The following PCDHGA2 variants were observed in gnomAD, a reference collection of about 807,000 sequenced individuals.
PCDHGA2 encodes protocadherin gamma-A2.
PCDHGA2 carries 40 observed loss-of-function variants against 59.2 expected under a neutral mutation model. That is an observed-to-expected ratio of 0.68 (90% CI 0.52 to 0.88). PCDHGA2 has a LOEUF of 0.88. Ranked by LOEUF, PCDHGA2 falls within the 40% of genes least tolerant of loss-of-function variation. PCDHGA2 has a pLI of 0.00. For synonymous variants in PCDHGA2, 560 were observed against 526.0 expected (o/e 1.06, Z -0.89); for missense variants, 1,226 against 1,204.0 (o/e 1.02, Z -0.27).
intron 1 of PCDHGA2, chr5:141,419,094 G>A (rs1241481126): frequency 2.5e-6 from 4 of 1,613,776 alleles, no homozygotes; most frequent in South Asian, 1.1e-5. Flanking sequence ...GCCCTGGATC[G>A]GGAGCAGACC....
At chr5:141,462,547 T>G (rs534942187) in intron 1 of PCDHGA2, among the ~76,000 whole-genome samples, 1 of 152,330 alleles carries the variant, frequency 6.6e-6, no homozygotes, top group African/African-American at 2.4e-5. Flanking sequence ...TCTTTTCTTC[T>G]TCAGTGTTTA....
At chr5:141,397,943 C>T in intron 1 of PCDHGA2, 1 of 892,874 alleles carries the variant, frequency 1.1e-6, no homozygotes, top group South Asian at 1.8e-5. Flanking sequence ...GCGCGCTTTC[C>T]AGGGCAGCCC....
chr5:141,460,027 G>A (rs1002703325), intron 1 of PCDHGA2, among the ~76,000 whole-genome samples: 3 of 152,088 alleles, frequency 2.0e-5, no homozygotes, highest in East Asian at 1.9e-4. Flanking sequence ...GCAGTGAGCC[G>A]AGACTGCACC....
chr5:141,355,938 G>A (rs556759092), intron 1 of PCDHGA2: 1 of 1,613,878 alleles, frequency 6.2e-7, no homozygotes, highest in Admixed American at 1.7e-5. Flanking sequence ...CTCAGCCCGA[G>A]TACCACGTAA....
chr5:141,397,648 C>T (rs1045102412), intron 1 of PCDHGA2, among the ~76,000 whole-genome samples: 5 of 152,148 alleles, frequency 3.3e-5, no homozygotes, highest in African/African-American at 1.2e-4. Context: ...GGTATGTTTG[C>T]AGAATGGTGA....
chr5:141,449,688 T>G (rs951233495), intron 1 of PCDHGA2, among the ~76,000 whole-genome samples: 2 of 151,772 alleles, frequency 1.3e-5, no homozygotes, highest in African/African-American at 4.8e-5. Context: ...TATGTTTGTG[T>G]GTATGTACAC....
At chr5:141,371,597 A>C (rs982667859) in intron 1 of PCDHGA2, 7 of 1,613,908 alleles carry the variant, frequency 4.3e-6, no homozygotes, top group Non-Finnish European at 5.9e-6. Flanking sequence ...CCAAAAACAC[A>C]TACAGGTTGG....
chr5:141,375,630 C>T (rs1162494057), intron 1 of PCDHGA2: 2 of 1,614,246 alleles, frequency 1.2e-6, no homozygotes, highest in Non-Finnish European at 1.7e-6. Flanking sequence ...ATTCTGTACG[C>T]CCTGCGCTCC....
chr5:141,363,969 G>T (rs1161441825), intron 1 of PCDHGA2, among the ~76,000 whole-genome samples: 14 of 152,250 alleles, frequency 9.2e-5, no homozygotes, highest in East Asian at 1.9e-4. Context: ...TGGAAGTCTT[G>T]CTATTCAGAA....
rs753233498 is a variant in PCDHGA2, at chr5:141,364,455, G to T, written c.2424+23060G>T. 13 of 1,613,882 alleles carry T rather than the reference G, an allele frequency of 8.1e-6. No homozygotes were observed. In the South Asian group the frequency reaches 1.2e-4, roughly 15 times the overall value. ...TCGATGCCGGAGGAGCTGGACAAAG[G>T]CTCCTTCGTCGGCAACATAGCCAAG... On this transcript the variant is annotated intron_variant, in intron 1 of 3. Coordinates refer to ENST00000394576, the MANE Select transcript of PCDHGA2 (RefSeq NM_018915.4).
In PCDHGA2 at chr5:141,489,664, A is replaced by C. The variant is rs745597010; in HGVS notation, c.2425-5143A>C. 1.9e-6 allele frequency: 3 copies of C among 1,614,224 alleles called. No individual in the cohort carries two copies. Among genetic ancestry groups the C allele is most frequent in the African/African-American group, 1.3e-5 (1 of 75,058 alleles). On this transcript the variant is annotated intron_variant, in intron 1 of 3. Transcript: ENST00000394576. This position sits in a 1 kb window ranked among gnomAD's most constrained non-coding sequence, Gnocchi z 4.5. ...TGCCACCCCTGAGCGAGAGATGCGC[A>C]TCTCAGAATCAGCAGCATCTGGGGC... is the stretch of plus-strand genomic sequence containing the variant.
rs1427934561 is a variant in PCDHGA2, at chr5:141,511,140, CAAG to C, written c.2773_2775del (p.Lys925del). The stretch of plus-strand genomic sequence containing the variant: ...AGGCCCCAGCAGGTGGCAATGGCAA[CAAG>C]AAGAAGTCGGGCAAGAAGGAGAAGA... On this transcript the variant is annotated inframe_deletion, in exon 4 of 4. Coordinates refer to ENST00000394576, the MANE Select transcript of PCDHGA2 (RefSeq NM_018915.4). 9 of 1,614,186 alleles carry C rather than the reference CAAG, an allele frequency of 5.6e-6. No individual in the cohort carries two copies. The East Asian group carries it at 6.7e-5, about 12-fold the overall frequency.
chr5:141,371,255 A>G lies in PCDHGA2; in HGVS notation c.2424+29860A>G, dbSNP rs1442083388. The G allele has an allele frequency of 1.9e-6, 3 of 1,614,036 alleles. 1 individual carries two copies. The South Asian group carries it at 3.3e-5, about 18-fold the overall frequency. On this transcript the variant is annotated intron_variant, in intron 1 of 3. Transcript: ENST00000394576. ...ATGCCTTCATCAATATTGGCAAGGA[A>G]GTGAGACAACTGTTCAAGCTGGACA...
intron 1 of PCDHGA2, chr5:141,405,157 G>T: frequency 6.2e-7 from 1 of 1,614,072 alleles, no homozygotes. Context: ...TGGCTGGTGT[G>T]CCCACCTCAC....
intron 1 of PCDHGA2, chr5:141,478,813 A>G (rs2099478658): frequency 4.8e-6 from 7 of 1,453,346 alleles, no homozygotes; most frequent in Non-Finnish European, 6.3e-6. Context: ...TGCTATCACA[A>G]CTAACCAATC....
chr5:141,456,800 TA>T (rs1038857337), intron 1 of PCDHGA2, among the ~76,000 whole-genome samples: 2 of 151,846 alleles, frequency 1.3e-5, no homozygotes, highest in African/African-American at 4.8e-5. Flanking sequence ...CCATCTCTAC[TA>T]AAAATACAAA....
chr5:141,390,025 G>T lies in PCDHGA2; in HGVS notation c.2424+48630G>T, dbSNP rs762363185. On this transcript the variant is annotated intron_variant, in intron 1 of 3. Coordinates refer to ENST00000394576, the MANE Select transcript of PCDHGA2 (RefSeq NM_018915.4). ...ATTCTGGCCATTGCCTTGCGCCTGC[G>T]ACGCTCCTCCAGCCCCGCCTCCTGG... The T allele has an allele frequency of 3.0e-5, 48 of 1,613,882 alleles. No individual in the cohort carries two copies. The East Asian group carries it at 1.1e-3, about 36-fold the overall frequency.
chr5:141,498,294 G>A (rs2099782964), intron 2 of PCDHGA2, among the ~76,000 whole-genome samples: 1 of 151,910 alleles, frequency 6.6e-6, no homozygotes, highest in African/African-American at 2.4e-5. Flanking sequence ...GATCAAGCCA[G>A]CTCTGGGTCA....
At chr5:141,482,888 A>G (rs1012212528) in intron 1 of PCDHGA2, among the ~76,000 whole-genome samples, 3 of 152,208 alleles carry the variant, frequency 2.0e-5, no homozygotes, top group African/African-American at 7.2e-5. Context: ...CCTGGCCAAC[A>G]TGGTGAAACC....
Sources: gnomAD v4.1 joint callset for allele counts (sites outside exome capture counted in the v4.1 genomes callset) on GRCh38, gnomAD v4.1.1 for gene constraint, Gnocchi (gnomAD v3.1) non-coding constraint, MANE v1.5 for transcripts, NCBI Gene and HGNC (gene_info 2026-07-23, HGNC 2026-07-21) for gene names.